THOC1: variants seen among roughly 807,000 people sequenced by gnomAD.
The protein encoded by THOC1 is THO complex subunit 1, also known as THO complex 1.
THOC1 carries 29 observed loss-of-function variants against 97.3 expected under a neutral mutation model. That is an observed-to-expected ratio of 0.30 (90% confidence interval 0.22 to 0.41). The LOEUF is 0.41. Among genes scored for constraint, THOC1 ranks in the 10% least tolerant of loss-of-function variants. The pLI is 1.00. For missense variants in THOC1, 529 were observed against 761.9 expected, an observed-to-expected ratio of 0.69 and a Z score of 3.60; for synonymous variants, 255 against 257.0, an observed-to-expected ratio of 0.99 and a Z score of 0.07.
intron 17 of THOC1, among the ~76,000 whole-genome samples, chr18:219,904 G>GGTA (rs1358842551): frequency 2.6e-5 from 4 of 151,994 alleles, no homozygotes; most frequent in South Asian, 2.1e-4. Context: ...TTGTTACCAT[G>GGTA]GTAGCATGGT....
rs749930102 is a variant in THOC1, at chr18:252,637, C to A, written c.604-25G>T. ...GCTAAATTGAAAAAAAAATGTATAG[C>A]CTGTCATGAAGCAGTCATCAGACAG... On this transcript the variant is annotated intron_variant, in intron 8 of 20. Transcript: ENST00000261600. The A allele has an allele frequency of 1.9e-6, 3 of 1,577,064 alleles. No homozygotes were observed. In the African/African-American group the frequency reaches 4.1e-5, roughly 21 times the overall value.
At chr18:260,597 T>C (rs535992) in intron 4 of THOC1, 114,666 of 182,646 alleles carry the variant, frequency 0.63, 36,215 homozygotes, top group South Asian at 0.76. Flanking sequence ...ATCCTTACAA[T>C]CCTATGAGGT....
At chr18:248,629 T>C (rs1314201045) in intron 9 of THOC1, among the ~76,000 whole-genome samples, 2 of 152,234 alleles carry the variant, frequency 1.3e-5, no homozygotes, top group African/African-American at 4.8e-5. Flanking sequence ...AAAACATATA[T>C]GGTACATATC....
At chr18:226,968 A>G in intron 11 of THOC1, 67 bp from the exon 12 acceptor site, 1 of 1,195,942 alleles carries the variant, frequency 8.4e-7, no homozygotes, top group South Asian at 1.3e-5. Flanking sequence ...CTAAAGGTAC[A>G]AAATGTGCTA....
At chr18:218,815 G>T in intron 18 of THOC1, 71 bp downstream of exon 18, 2 of 1,296,808 alleles carry the variant, frequency 1.5e-6, no homozygotes, top group Non-Finnish European at 2.2e-6. Flanking sequence ...AGGCTTTCTA[G>T]TATACACACA....
chr18:230,495 CAG>C (rs1911448177), intron 11 of THOC1, among the ~76,000 whole-genome samples: 1 of 152,134 alleles, frequency 6.6e-6, no homozygotes, highest in Non-Finnish European at 1.5e-5. Flanking sequence ...AACACTGAAT[CAG>C]GGGTGGAAAG....
chr18:267,528 G>C (rs1157231975), intron 1 of THOC1, among the ~76,000 whole-genome samples: 1 of 152,234 alleles, frequency 6.6e-6, no homozygotes, highest in Non-Finnish European at 1.5e-5. Context: ...GGGTGGTGAA[G>C]AGACGGCGGG....
intron 17 of THOC1, among the ~76,000 whole-genome samples, chr18:221,756 CT>C (rs1482726684): frequency 6.6e-5 from 10 of 152,058 alleles, no homozygotes; most frequent in South Asian, 4.1e-4. Flanking sequence ...CTACAGGCGC[CT>C]GCCACCACAC....
chr18:226,906 TCAAGAAA>T lies in THOC1; in HGVS notation c.919-12_919-6del. ...ACTCAGTTGTAAATCCATCAGCTACTCAAGAAACAAGCAAACACATACGAAAACAACA... is the reference window on the plus strand; with the variant it reads ...ACTCAGTTGTAAATCCATCAGCTACTCAAGCAAACACATACGAAAACAACA... On this transcript the variant is annotated splice_region_variant and splice_polypyrimidine_tract_variant and intron_variant, in intron 11 of 20. Coordinates refer to ENST00000261600, the MANE Select transcript of THOC1 (RefSeq NM_005131.3). 6.2e-7 allele frequency: 1 copy of T among 1,602,672 alleles called. No individual in the cohort carries two copies. The highest frequency in any genetic ancestry group is 1.3e-5 in the African/African-American group (1 of 74,904).
In THOC1 at chr18:225,101, T is replaced by C. The variant is rs374193233; in HGVS notation, c.1125A>G (p.Ser375=). The part of the protein sequence containing the change: ...SENPPDGERF[S]KMVEHILNTE... ...AAAAAACACATACCTCTACCATCTT[T>C]GAAAATCTTTCTCCATCGGGGGGGT... Residue 375 remains serine (S), a synonymous_variant, in exon 14 of 21, where the codon TCA becomes TCG. Coordinates refer to ENST00000261600, the MANE Select transcript of THOC1 (RefSeq NM_005131.3). 111 of 1,576,292 alleles carry C rather than the reference T, an allele frequency of 7.0e-5. No individual in the cohort carries two copies. In the African/African-American group the frequency reaches 1.3e-3, roughly 18 times the overall value.
chr18:250,075 A>G (rs970247304), intron 9 of THOC1, among the ~76,000 whole-genome samples: 1 of 152,202 alleles, frequency 6.6e-6, no homozygotes, highest in African/African-American at 2.4e-5. Context: ...CCTACCTGTA[A>G]AAGACTTTTG....
intron 4 of THOC1, among the ~76,000 whole-genome samples, chr18:263,061 C>G (rs1335755369): frequency 1.3e-5 from 2 of 152,122 alleles, no homozygotes; most frequent in East Asian, 3.9e-4. Flanking sequence ...GCAGTCACTT[C>G]AAATGGAATC....
At chr18:265,406 G>C (rs574950279) in intron 2 of THOC1, 43 bp from the exon 3 acceptor site, 7 of 1,589,168 alleles carry the variant, frequency 4.4e-6, no homozygotes, top group Non-Finnish European at 6.0e-6. Flanking sequence ...AACAGCTCAG[G>C]GTATGTATAA....
In THOC1 at chr18:252,754, T is replaced by TAAGGCAA. The variant is rs1912321069; in HGVS notation, c.604-143_604-142insTTGCCTT. 1.8e-4 allele frequency: 121 copies of TAAGGCAA among 675,220 alleles called. 3 individuals carry two copies. The South Asian group carries it at 2.1e-3, about 11-fold the overall frequency. The allele number at this position is 675,220 out of a possible 1,614,324, so 41.8% of individuals were successfully genotyped here. A position where few individuals can be genotyped will look rare whatever the true frequency, so the allele number is the denominator to read the frequency against. On this transcript the variant is annotated intron_variant, in intron 8 of 20. Coordinates refer to ENST00000261600, the MANE Select transcript of THOC1 (RefSeq NM_005131.3). ...AGTCACTAACTATCTAGACCTATAG[T>TAAGGCAA]TAATCTGTAAGGCAATCAGAATTTT...
At position 236,381 on chromosome 18, in the gene THOC1, A is replaced by C. The variant is rs1413483955; in HGVS notation, c.919-9480T>G. Among the ~76,000 whole-genome samples, 500 of 114,354 alleles carry C rather than the reference A, an allele frequency of 4.4e-3. 1 individual carries two copies. Among genetic ancestry groups the C allele is most frequent in the African/African-American group, 0.016 (465 of 29,522 alleles). The allele number at this position is 114,354 out of a possible 152,430, so 75.0% of individuals were successfully genotyped here. On this transcript the variant is annotated intron_variant, in intron 11 of 20. Transcript: ENST00000261600. ...TTTTTTTTTTTTTTTTTTGAGACGGAGTCTCGCTCTGTCGCCCAGGCGGGA... is the reference window on the plus strand; with the variant it reads ...TTTTTTTTTTTTTTTTTTGAGACGGCGTCTCGCTCTGTCGCCCAGGCGGGA...
intron 9 of THOC1, among the ~76,000 whole-genome samples, chr18:248,492 T>G (rs530849208): frequency 6.6e-6 from 1 of 152,160 alleles, no homozygotes; most frequent in Non-Finnish European, 1.5e-5. Flanking sequence ...GCTTCTAGAC[T>G]TCGATATGAG....
At chr18:230,179 T>C (rs1350868220) in intron 11 of THOC1, among the ~76,000 whole-genome samples, 1 of 152,206 alleles carries the variant, frequency 6.6e-6, no homozygotes, top group Non-Finnish European at 1.5e-5. Flanking sequence ...CAACATCCAT[T>C]TGCCCAAGCA....
At chr18:256,975 C>T (rs1355709320) in intron 7 of THOC1, among the ~76,000 whole-genome samples, 2 of 152,292 alleles carry the variant, frequency 1.3e-5, no homozygotes, top group African/African-American at 2.4e-5. Context: ...AAAAAGATGA[C>T]GACTTGCAAA....
chr18:217,826 T>C, intron 18 of THOC1, among the ~76,000 whole-genome samples: 1 of 151,780 alleles, frequency 6.6e-6, no homozygotes, highest in East Asian at 1.9e-4. Flanking sequence ...GACAGTAAAG[T>C]GTGAAGGTCC....
Sources: allele counts gnomAD v4.1 joint callset (sites outside exome capture counted in the v4.1 genomes callset), GRCh38; gene constraint gnomAD v4.1.1; transcripts MANE v1.5; gene names NCBI Gene and HGNC (gene_info 2026-07-23, HGNC 2026-07-21).